The following COL12A1 variants were observed in gnomAD, a reference collection of about 807,000 sequenced individuals.
The protein encoded by COL12A1 is collagen alpha-1(XII) chain.
In COL12A1, 114 loss-of-function variants were observed where a neutral mutation model predicts 349.7. That is an observed-to-expected ratio of 0.33 (90% CI 0.28 to 0.38). COL12A1 has a LOEUF of 0.38. COL12A1 is among the 10% of genes least tolerant of loss of function. The probability of loss-of-function intolerance (pLI) is 1.00; values close to 1 mark genes in which losing one functional copy is unlikely to be tolerated. For synonymous variants in COL12A1, 1,369 were observed against 1,329.0 expected, an observed-to-expected ratio of 1.03 and a Z score of -0.66; for missense variants, 3,284 against 3,756.9, an observed-to-expected ratio of 0.87 and a Z score of 3.29.
Position 75,152,211 on chromosome 6 carries a change from T to C in COL12A1, c.3755A>G (p.Gln1252Arg). ...CTTCTTGTCTCTGTGTGCATTTAAC[T>C]GCCACTCTGTTCTGGGATCCCCACT... ...QYSGDPRTEW[Q>R]LNAHRDKKSL... Residue 1252 changes from glutamine to arginine, a missense_variant, in exon 19 of 66, where the codon CAG becomes CGG. Around this residue, in one of 2 missense-constraint regions of COL12A1, gnomAD observed 2,601 missense variants for 2,824.8 expected, o/e 0.92. Coordinates refer to ENST00000322507, the MANE Select transcript of COL12A1 (RefSeq NM_004370.6). The C allele has an allele frequency of 1.9e-6, 3 of 1,613,802 alleles. No homozygotes were observed. Among genetic ancestry groups the C allele is most frequent in the Non-Finnish European group, 2.5e-6 (3 of 1,179,802 alleles).
intron 64 of COL12A1, 47 bp downstream of exon 64, chr6:75,089,057 CCT>C (rs774597760): frequency 1.7e-5 from 22 of 1,307,100 alleles, no homozygotes; most frequent in Non-Finnish European, 2.4e-5. Context: ...GATGGTGTGC[CCT>C]CTCGGTATTT....
chr6:75,099,092 T>A (rs1420084611), intron 58 of COL12A1, among the ~76,000 whole-genome samples: 1 of 152,264 alleles, frequency 6.6e-6, no homozygotes, highest in Non-Finnish European at 1.5e-5. Context: ...TCTTGGATTT[T>A]CACAAAAGTT....
intron 65 of COL12A1, among the ~76,000 whole-genome samples, chr6:75,086,909 A>T (rs1767524693): frequency 6.6e-6 from 1 of 152,124 alleles, no homozygotes; most frequent in Non-Finnish European, 1.5e-5. Context: ...ATAATTTTTT[A>T]AATTTGCAAG....
rs769038070 is a variant in COL12A1 at position 75,156,448 on chromosome 6, G to C, written c.3059C>G (p.Pro1020Arg). ...NTMRVTWKPA[P>R]GKVVNYRVVY... ...AACACGGTAGTTGACGACTTTCCCT[G>C]GTGCTGGTTTCCATGTAACTCTCAT... Residue 1020 changes from proline (P) to arginine (R), a missense_variant, in exon 15 of 66, where the codon CCA becomes CGA. Physicochemically the swap from Pro to Arg is moderately radical, Grantham distance 103. Around this residue, in one of 2 missense-constraint regions of COL12A1, gnomAD observed 2,601 missense variants for 2,824.8 expected, o/e 0.92. Coordinates refer to ENST00000322507, the MANE Select transcript of COL12A1 (RefSeq NM_004370.6). 1 of 1,613,802 alleles carries C rather than the reference G, an allele frequency of 6.2e-7. No individual in the cohort carries two copies. Among genetic ancestry groups the C allele is most frequent in the South Asian group, 1.1e-5 (1 of 91,066 alleles).
intron 53 of COL12A1, among the ~76,000 whole-genome samples, chr6:75,106,196 T>C (rs895612794): frequency 1.3e-5 from 2 of 152,194 alleles, no homozygotes; most frequent in African/African-American, 4.8e-5. Context: ...ACTTTTCTCT[T>C]AGGGAGAAGT....
intron 37 of COL12A1, among the ~76,000 whole-genome samples, 155 bp from the exon 38 acceptor site, chr6:75,128,580 ACTT>A (rs1294168424): frequency 1.3e-5 from 2 of 152,142 alleles, no homozygotes; most frequent in Admixed American, 1.3e-4. Context: ...AACTATCTTC[ACTT>A]CTTCTCTGCA....
Position 75,181,069 on chromosome 6 carries a change from C to A in COL12A1, c.2034G>T (p.Val678=). 1 of 1,614,026 alleles carries A rather than the reference C, an allele frequency of 6.2e-7. No homozygotes were observed. Among genetic ancestry groups the A allele is most frequent in the Non-Finnish European group, 8.5e-7 (1 of 1,180,004 alleles). The part of the protein sequence containing the change: ...EAAGDDEVTV[V]EPASSTSVVL... ...CAACACTGGTGCTCGATGCTGGCTCCACCACAGTGACCTCATCATCCCCAG... is the reference window on the plus strand; with the variant it reads ...CAACACTGGTGCTCGATGCTGGCTCAACCACAGTGACCTCATCATCCCCAG... The change falls in exon 11 of 66, where the codon GTG becomes GTT. Residue 678 remains valine (V), a synonymous_variant. Transcript: ENST00000322507.
chr6:75,151,375 A>G, intron 20 of COL12A1, 88 bp from the exon 21 acceptor site: 1 of 1,303,574 alleles, frequency 7.7e-7, no homozygotes, highest in Non-Finnish European at 1.1e-6. Flanking sequence ...TTCTTAATTC[A>G]TGGCTGCTTT....
intron 53 of COL12A1, among the ~76,000 whole-genome samples, chr6:75,105,811 A>G (rs997262354): frequency 6.6e-6 from 1 of 152,132 alleles, no homozygotes; most frequent in African/African-American, 2.4e-5. Flanking sequence ...TTTCTCTCCC[A>G]GTGCCTTTCA....
At chr6:75,133,724 T>A in intron 33 of COL12A1, 134 bp downstream of exon 33, 1 of 1,038,380 alleles carries the variant, frequency 9.6e-7, no homozygotes, top group Non-Finnish European at 1.4e-6. Context: ...CTATTTACCC[T>A]CTATAAAGTC....
At chr6:75,184,338 T>C (rs1364541059) in intron 8 of COL12A1, among the ~76,000 whole-genome samples, 194 bp from the exon 9 acceptor site, 1 of 152,206 alleles carries the variant, frequency 6.6e-6, no homozygotes, top group Non-Finnish European at 1.5e-5. Context: ...ACTTGGCTTT[T>C]AGTCAAATTG....
intron 14 of COL12A1, among the ~76,000 whole-genome samples, chr6:75,157,236 C>T (rs371512567): frequency 6.6e-6 from 1 of 152,066 alleles, no homozygotes; most frequent in Non-Finnish European, 1.5e-5. Context: ...TAACCTACAA[C>T]ATCCTATTTT....
At chr6:75,176,908 G>A (rs764505404) in intron 12 of COL12A1, among the ~76,000 whole-genome samples, 7 of 151,982 alleles carry the variant, frequency 4.6e-5, no homozygotes, top group Non-Finnish European at 7.4e-5. Flanking sequence ...ATGAAATCAC[G>A]TATTAAACAT....
chr6:75,108,850 C>T (rs1230060374), intron 52 of COL12A1, among the ~76,000 whole-genome samples, 168 bp downstream of exon 52: 1 of 152,126 alleles, frequency 6.6e-6, no homozygotes, highest in East Asian at 1.9e-4. Flanking sequence ...GTTCTGTGGA[C>T]ATATTTTCTC....
chr6:75,184,942 T>G (rs575716986), intron 8 of COL12A1, among the ~76,000 whole-genome samples: 1 of 152,326 alleles, frequency 6.6e-6, no homozygotes, highest in Non-Finnish European at 1.5e-5. Flanking sequence ...AGGAAGTGTG[T>G]GTAAAAACAG....
At chr6:75,166,951 C>T (rs1202784851) in intron 13 of COL12A1, among the ~76,000 whole-genome samples, 1 of 152,012 alleles carries the variant, frequency 6.6e-6, no homozygotes, top group African/African-American at 2.4e-5. Flanking sequence ...ACCCCAAGCC[C>T]AAATGGAAAA....
At position 75,184,164 on chromosome 6, in the gene COL12A1, C is replaced by T. The variant is rs1173738017; in HGVS notation, c.998-20G>A. 9 of 1,608,236 alleles carry T rather than the reference C, an allele frequency of 5.6e-6. No individual in the cohort carries two copies. Among genetic ancestry groups the T allele is most frequent in the Non-Finnish European group, 6.8e-6 (8 of 1,177,316 alleles). ...CAACAACTAAAAAGTTACAAGCAGA[C>T]AGTGATTAATAACAGTGAGATGTAA... On this transcript the variant is annotated intron_variant, in intron 8 of 65. Transcript: ENST00000322507.
At chr6:75,132,187 T>A in intron 34 of COL12A1, 105 bp from the exon 35 acceptor site, 1 of 1,377,352 alleles carries the variant, frequency 7.3e-7, no homozygotes. Flanking sequence ...TAAAATGCTA[T>A]CTTCTTTATA....
intron 12 of COL12A1, among the ~76,000 whole-genome samples, chr6:75,175,688 A>C (rs1441492394): frequency 1.3e-5 from 2 of 152,370 alleles, no homozygotes; most frequent in South Asian, 2.1e-4. Context: ...CCTTTAAGAA[A>C]TCTTCAGTAA....
Sources: allele counts gnomAD v4.1 joint callset (sites outside exome capture counted in the v4.1 genomes callset), GRCh38; gene constraint gnomAD v4.1.1; regional missense constraint gnomAD v4.1.1; transcripts MANE v1.5; gene names NCBI Gene and HGNC (gene_info 2026-07-23, HGNC 2026-07-21).